PRKCQ: variants seen among roughly 807,000 people sequenced by gnomAD.
PRKCQ encodes the protein protein kinase C theta.
In PRKCQ, 41 loss-of-function variants were observed where a neutral mutation model predicts 91.2. The observed-to-expected ratio is 0.45, with a 90% CI of 0.35 to 0.58. The LOEUF (loss-of-function observed/expected upper bound fraction) is 0.58. Ranked by LOEUF, PRKCQ falls within the 20% of genes least tolerant of loss-of-function variation. The probability of loss-of-function intolerance (pLI) is 0.00; values close to 1 mark genes in which losing one functional copy is unlikely to be tolerated. For synonymous variants in PRKCQ, 307 were observed against 316.9 expected, an observed-to-expected ratio of 0.97 and a Z score of 0.33; for missense variants, 673 against 896.5, an observed-to-expected ratio of 0.75 and a Z score of 3.18.
At chr10:6,542,923 T>C (rs1204530481) in intron 1 of PRKCQ, among the ~76,000 whole-genome samples, 1 of 152,224 alleles carries the variant, frequency 6.6e-6, no homozygotes, top group Non-Finnish European at 1.5e-5. Context: ...TAAAAAGTAA[T>C]ATAAAAGGGT....
At chr10:6,533,833 A>G (rs1245509234) in intron 1 of PRKCQ, among the ~76,000 whole-genome samples, 1 of 152,198 alleles carries the variant, frequency 6.6e-6, no homozygotes, top group Non-Finnish European at 1.5e-5. Context: ...TAAAACCTAC[A>G]TTAAAGCTAA....
chr10:6,482,035 C>G (rs56051527), intron 11 of PRKCQ, among the ~76,000 whole-genome samples: 18,491 of 150,016 alleles, frequency 0.12, 1,526 homozygotes, highest in Middle Eastern at 0.26. Context: ...TCTTTCCTTC[C>G]TCTCCTTGTC....
intron 7 of PRKCQ, among the ~76,000 whole-genome samples, chr10:6,492,948 G>T (rs964518421): frequency 1.8e-4 from 27 of 152,192 alleles, no homozygotes; most frequent in African/African-American, 6.5e-4. Context: ...GAAAGCCTGT[G>T]TAGAATCGAT....
At chr10:6,533,131 C>T (rs1231086354) in intron 1 of PRKCQ, among the ~76,000 whole-genome samples, 1 of 152,102 alleles carries the variant, frequency 6.6e-6, no homozygotes, top group Non-Finnish European at 1.5e-5. Flanking sequence ...ACATCCCCCA[C>T]CAGAGCTGGG....
rs1841233346 is a variant in PRKCQ, at chr10:6,576,254, T to C, written c.-10+3957A>G. 6.6e-6 allele frequency among the ~76,000 whole-genome samples: 1 copy of C among 152,230 alleles called. No homozygotes were observed. Among genetic ancestry groups the C allele is most frequent in the South Asian group, 2.1e-4 (1 of 4,836 alleles). ...GCAGGACCTCAAACAGATATCTGCG[T>C]GTTCCTCTTCACGGCAGCATTATTC... On this transcript the variant is annotated intron_variant, in intron 1 of 17. Transcript: ENST00000263125. This position sits in a 1 kb window ranked among gnomAD's most constrained non-coding sequence, Gnocchi z 4.2.
intron 12 of PRKCQ, among the ~76,000 whole-genome samples, chr10:6,477,772 G>T (rs1047223187): frequency 6.6e-6 from 1 of 152,202 alleles, no homozygotes; most frequent in Non-Finnish European, 1.5e-5. Flanking sequence ...GGAGGCTGAG[G>T]CAGGAGAATC....
At chr10:6,485,012 G>A (rs1836823617) in intron 10 of PRKCQ, 140 bp downstream of exon 10, 1 of 713,766 alleles carries the variant, frequency 1.4e-6, no homozygotes, top group East Asian at 2.6e-5. Context: ...TTTCTAAGAA[G>A]TGGGAGCCTC....
intron 15 of PRKCQ, among the ~76,000 whole-genome samples, chr10:6,447,604 G>C (rs577295202): frequency 7.9e-5 from 12 of 152,284 alleles, no homozygotes; most frequent in Admixed American, 3.3e-4. Context: ...AGTTGAGGGA[G>C]CACAGGTGTG....
At chr10:6,574,832 C>T (rs1841168975) in intron 1 of PRKCQ, among the ~76,000 whole-genome samples, 1 of 152,212 alleles carries the variant, frequency 6.6e-6, no homozygotes, top group Non-Finnish European at 1.5e-5. Flanking sequence ...TCTACAAACA[C>T]TGTTCCTACC....
chr10:6,514,257 T>C (rs1838636946), intron 2 of PRKCQ, among the ~76,000 whole-genome samples: 1 of 151,744 alleles, frequency 6.6e-6, no homozygotes, highest in Non-Finnish European at 1.5e-5. Context: ...GTCAGGAGAG[T>C]TGTGGGATCT....
chr10:6,443,978 G>A (rs1449117902), intron 15 of PRKCQ, among the ~76,000 whole-genome samples: 1 of 152,200 alleles, frequency 6.6e-6, no homozygotes, highest in East Asian at 1.9e-4. Context: ...AGGGGGAATA[G>A]GGAGCTGGTA....
At chr10:6,402,420 C>G in the PRKCQ span, among the ~76,000 whole-genome samples, 2 of 149,848 alleles carry the variant, frequency 1.3e-5, no homozygotes, top group South Asian at 2.1e-4. Context: ...TCCTTCCGCT[C>G]TTTCCTCCCT....
chr10:6,435,039 C>T (rs1045715357), intron 16 of PRKCQ, among the ~76,000 whole-genome samples: 1 of 152,160 alleles, frequency 6.6e-6, no homozygotes, highest in African/African-American at 2.4e-5. Context: ...CTCAGCCTCC[C>T]GAGTAGCTGG....
At chr10:6,395,075 T>TTTTTTC in the PRKCQ span, among the ~76,000 whole-genome samples, 11 of 135,804 alleles carry the variant, frequency 8.1e-5, no homozygotes, top group African/African-American at 3.1e-4. Flanking sequence ...TTTTTTTTTT[T>TTTTTTC]TTTTTGAGAC....
chr10:6,401,096 A>C, the PRKCQ span, among the ~76,000 whole-genome samples: 1 of 152,222 alleles, frequency 6.6e-6, no homozygotes, highest in Admixed American at 6.5e-5. Context: ...GTAGCACCAG[A>C]AATAAGACCC....
chr10:6,422,851 G>T (rs1564282067), downstream of PRKCQ, among the ~76,000 whole-genome samples: 1 of 152,190 alleles, frequency 6.6e-6, no homozygotes, highest in Non-Finnish European at 1.5e-5. Flanking sequence ...TGTCCTCATG[G>T]TGAGACATCA....
At chr10:6,541,134 A>G (rs1042991727) in intron 1 of PRKCQ, among the ~76,000 whole-genome samples, 2 of 152,238 alleles carry the variant, frequency 1.3e-5, no homozygotes, top group African/African-American at 4.8e-5. Flanking sequence ...CAGACGTTAC[A>G]TTCTACTGCC....
rs186079976 is a variant in PRKCQ, at chr10:6,526,375, G to A, written c.-9-11231C>T. Reference sequence around the variant, plus strand: ...CAAAGAGACAAAACCCATCCTTTGTGCAGAGGTCCAGATGCACGAGACAGA... The same window carrying A: ...CAAAGAGACAAAACCCATCCTTTGTACAGAGGTCCAGATGCACGAGACAGA... On this transcript the variant is annotated intron_variant, in intron 1 of 17. Transcript: ENST00000263125. Among the ~76,000 whole-genome samples the A allele has an allele frequency of 5.6e-3, 847 of 152,274 alleles. 25 individuals carry two copies. The highest frequency in any genetic ancestry group is 0.042 in the Admixed American group (644 of 15,288).
the PRKCQ span, among the ~76,000 whole-genome samples, chr10:6,414,090 C>CA: frequency 6.6e-6 from 1 of 152,146 alleles, no homozygotes. Flanking sequence ...AAGGGCACAG[C>CA]AAATGCGTGG....
Sources: allele counts gnomAD v4.1 joint callset (sites outside exome capture counted in the v4.1 genomes callset), GRCh38; gene constraint gnomAD v4.1.1; non-coding constraint Gnocchi (gnomAD v3.1); transcripts MANE v1.5; gene names NCBI Gene and HGNC (gene_info 2026-07-23, HGNC 2026-07-21).